TIAM2: variants seen among roughly 807,000 people sequenced by gnomAD.
The protein encoded by TIAM2 is TIAM Rac1 associated GEF 2, also known as rho guanine nucleotide exchange factor TIAM2.
A neutral mutation model predicts 152.9 loss-of-function variants in TIAM2; 80 were observed. That is an observed-to-expected ratio of 0.52 (90% CI 0.44 to 0.63). The LOEUF (loss-of-function observed/expected upper bound fraction) is 0.63, where lower values mean the gene tolerates loss of function less well. TIAM2 is among the 30% of genes least tolerant of loss of function. The pLI, the probability that TIAM2 is intolerant of heterozygous loss-of-function variation, is 0.00. For missense variants in TIAM2, 1,965 were observed against 2,120.1 expected (o/e 0.93, Z 1.44); for synonymous variants, 804 against 838.0 (o/e 0.96, Z 0.70).
At chr6:155,212,683 A>G (rs532495985) in intron 15 of TIAM2, among the ~76,000 whole-genome samples, 1 of 141,760 alleles carries the variant, frequency 7.1e-6, no homozygotes, top group Non-Finnish European at 1.5e-5. Flanking sequence ...GCTCGGGCCC[A>G]CTAGGCCCAC....
At chr6:155,184,334 G>A (rs1433350264) in intron 14 of TIAM2, among the ~76,000 whole-genome samples, 1 of 152,172 alleles carries the variant, frequency 6.6e-6, no homozygotes, top group Non-Finnish European at 1.5e-5. Context: ...TTAAAACTTT[G>A]TGAAGGCCTA....
intron 1 of TIAM2, among the ~76,000 whole-genome samples, chr6:155,028,347 T>C (rs1776677049): frequency 7.8e-6 from 1 of 128,800 alleles, no homozygotes; most frequent in South Asian, 2.4e-4. Context: ...ATATACTGTG[T>C]TACATATATA....
chr6:155,006,523 G>A (rs1583147030), intron 1 of TIAM2, among the ~76,000 whole-genome samples: 4 of 151,572 alleles, frequency 2.6e-5, no homozygotes, highest in African/African-American at 7.2e-5. Flanking sequence ...AAAAATTACC[G>A]GGTGTGGTGG....
At position 155,179,387 on chromosome 6, in the gene TIAM2, GA is replaced by G; in HGVS notation, c.2641del (p.Ile881Ter). 6.2e-7 allele frequency: 1 copy of G among 1,613,772 alleles called. No homozygotes were observed. The highest frequency in any genetic ancestry group is 8.5e-7 in the Non-Finnish European group (1 of 1,179,942). ...YEYMQQQVYD[E>X]IEVFPLNVYD... ...TTTTCACCTTTTGCAGGTTTATGAT[GA>G]AATAGAAGTCTTTCCACTAAATGTT... On this transcript the variant is annotated frameshift_variant, in exon 12 of 27. Coordinates refer to ENST00000682666, the MANE Select transcript of TIAM2 (RefSeq NM_012454.4). LOFTEE classifies it high-confidence loss of function.
intron 2 of TIAM2, among the ~76,000 whole-genome samples, chr6:155,101,790 A>G (rs1323143470): frequency 6.6e-6 from 1 of 151,098 alleles, no homozygotes; most frequent in Non-Finnish European, 1.5e-5. Context: ...GGCTCACTGC[A>G]GCCTCTGCCT....
chr6:155,099,335 TAGAAAA>T (rs1387114419), intron 2 of TIAM2, among the ~76,000 whole-genome samples: 2 of 152,028 alleles, frequency 1.3e-5, no homozygotes, highest in Middle Eastern at 6.3e-3. Flanking sequence ...TTGAAACACT[TAGAAAA>T]AGTTTATATT....
At chr6:155,015,955 A>C (rs1182528000) in intron 1 of TIAM2, among the ~76,000 whole-genome samples, 4 of 150,578 alleles carry the variant, frequency 2.7e-5, no homozygotes, top group African/African-American at 7.3e-5. Context: ...AAAAAAAAAA[A>C]AAAAAAAAAA....
chr6:155,007,952 C>T (rs569623144), intron 1 of TIAM2, among the ~76,000 whole-genome samples: 7 of 152,168 alleles, frequency 4.6e-5, no homozygotes, highest in African/African-American at 7.2e-5. Flanking sequence ...CTTGATAAAT[C>T]ACATTAGAAA....
chr6:154,997,629 ATTTTTTT>A (rs57280691), intron 1 of TIAM2, among the ~76,000 whole-genome samples: 62 of 62,104 alleles, frequency 1.0e-3, no homozygotes, highest in African/African-American at 2.4e-3. Context: ...GAAAGAATGG[ATTTTTTT>A]TTTTTTTTTT....
chr6:155,215,954 C>G (rs973868077), intron 15 of TIAM2, among the ~76,000 whole-genome samples: 1 of 151,922 alleles, frequency 6.6e-6, no homozygotes, highest in Non-Finnish European at 1.5e-5. Flanking sequence ...ACCACAGGTG[C>G]CTGCCACCAT....
chr6:155,155,905 G>T (rs542115546), intron 7 of TIAM2, among the ~76,000 whole-genome samples: 1 of 152,214 alleles, frequency 6.6e-6, no homozygotes, highest in South Asian at 2.1e-4. Flanking sequence ...TGCCCTCAGT[G>T]ACAGTGGCAC....
intron 1 of TIAM2, among the ~76,000 whole-genome samples, chr6:155,007,605 A>G (rs921796157): frequency 6.6e-6 from 1 of 152,212 alleles, no homozygotes; most frequent in African/African-American, 2.4e-5. Context: ...AGGTTACTTA[A>G]AAACATCATT....
chr6:155,169,141 G>T (rs200704292), intron 9 of TIAM2, among the ~76,000 whole-genome samples: 1 of 152,018 alleles, frequency 6.6e-6, no homozygotes, highest in African/African-American at 2.4e-5. Context: ...GACTACAGGC[G>T]CCCGCCACCA....
intron 7 of TIAM2, among the ~76,000 whole-genome samples, chr6:155,159,675 G>A (rs749298245): frequency 6.6e-5 from 10 of 152,030 alleles, no homozygotes; most frequent in Admixed American, 1.3e-4. Flanking sequence ...TAAGGAACCC[G>A]AGCTTCTGAA....
chr6:155,038,216 G>A (rs6927740), intron 1 of TIAM2, among the ~76,000 whole-genome samples: 5,136 of 152,180 alleles, frequency 0.034, 289 homozygotes, highest in African/African-American at 0.12. Flanking sequence ...AAGCCTTCTC[G>A]CCCGTTATCC....
intron 1 of TIAM2, among the ~76,000 whole-genome samples, chr6:155,047,693 GAGAGAGAGAGAGCGA>G (rs1562300120): frequency 0.067 from 739 of 11,094 alleles, 4 homozygotes; most frequent in African/African-American, 0.15. Context: ...AGAGAGGAGA[GAGAGAGAGAGAGCGA>G]GAGAGAGAGA....
intron 14 of TIAM2, among the ~76,000 whole-genome samples, chr6:155,192,182 A>G (rs1781222989): frequency 6.6e-6 from 1 of 152,120 alleles, no homozygotes; most frequent in South Asian, 2.1e-4. Flanking sequence ...AAGGGATGGA[A>G]AGAGTCCTCC....
intron 1 of TIAM2, among the ~76,000 whole-genome samples, chr6:155,002,179 C>T (rs1778325111): frequency 2.0e-5 from 3 of 152,048 alleles, no homozygotes; most frequent in African/African-American, 4.8e-5. Context: ...TCGGCTGAGG[C>T]GGGATGATCA....
intron 1 of TIAM2, among the ~76,000 whole-genome samples, chr6:155,001,936 G>C (rs1475181013): frequency 2.6e-5 from 4 of 152,082 alleles, no homozygotes; most frequent in African/African-American, 7.2e-5. Flanking sequence ...GATTCTCATT[G>C]CTTTTAAAAT....
Sources: gnomAD v4.1 joint callset for allele counts (sites outside exome capture counted in the v4.1 genomes callset) on GRCh38, gnomAD v4.1.1 for gene constraint, MANE v1.5 for transcripts, NCBI Gene and HGNC (gene_info 2026-07-23, HGNC 2026-07-21) for gene names.